The following ADK variants were observed in gnomAD, a reference collection of about 807,000 sequenced individuals.
ADK encodes the protein N6,N6-dimethyladenosine kinase.
A neutral mutation model predicts 44.7 loss-of-function variants in ADK; 24 were observed. The ratio of observed to expected loss-of-function variants is 0.54; its 90% CI spans 0.39 to 0.76. The LOEUF (loss-of-function observed/expected upper bound fraction) is 0.76. Among genes scored for constraint, ADK ranks in the 30% least tolerant of loss-of-function variants. The probability of loss-of-function intolerance (pLI) is 0.00; values close to 1 mark genes in which losing one functional copy is unlikely to be tolerated. For synonymous variants in ADK, 128 were observed against 142.6 expected (o/e 0.90, Z 0.73); for missense variants, 321 against 425.1 (o/e 0.76, Z 2.15).
chr10:74,366,763 C>G (rs192902654), intron 4 of ADK, among the ~76,000 whole-genome samples: 1 of 152,230 alleles, frequency 6.6e-6, no homozygotes, highest in African/African-American at 2.4e-5. Flanking sequence ...AACCCCATCT[C>G]TATAAAAAAT....
At chr10:74,671,864 C>T (rs1855199059) in intron 10 of ADK, among the ~76,000 whole-genome samples, 1 of 152,138 alleles carries the variant, frequency 6.6e-6, no homozygotes, top group African/African-American at 2.4e-5. Flanking sequence ...CCTAAATAGC[C>T]ACTACCTCTG....
In ADK at chr10:74,615,807, C is replaced by G. The variant is rs1852735047; in HGVS notation, c.877+15314C>G. On this transcript the variant is annotated intron_variant, in intron 9 of 10. Coordinates refer to ENST00000539909, the MANE Select transcript of ADK (RefSeq NM_006721.4). ...CACTGCAATCTCCACCTCCTGGGTT[C>G]AAGCGATTCCCTTGCCTCAGCCTCC... is the stretch of plus-strand genomic sequence containing the variant. 2.0e-5 allele frequency among the ~76,000 whole-genome samples: 3 copies of G among 152,198 alleles called. No individual in the cohort carries two copies. The South Asian group carries it at 6.2e-4, about 32-fold the overall frequency.
chr10:74,684,647 C>CT (rs914188245), intron 10 of ADK, among the ~76,000 whole-genome samples: 36 of 152,062 alleles, frequency 2.4e-4, no homozygotes, highest in Admixed American at 7.2e-4. Flanking sequence ...TGGTGCACAC[C>CT]TATAGTTCCA....
intron 9 of ADK, chr10:74,655,224 C>A: frequency 2.6e-6 from 1 of 384,404 alleles, no homozygotes; most frequent in South Asian, 2.4e-5. Context: ...TGGACAGAGA[C>A]AGGTGCATGG....
At chr10:74,210,431 A>G (rs573083173) in intron 2 of ADK, among the ~76,000 whole-genome samples, 5 of 152,282 alleles carry the variant, frequency 3.3e-5, no homozygotes, top group African/African-American at 1.2e-4. Flanking sequence ...ATAAACATAC[A>G]AACCTTACAT....
intron 3 of ADK, among the ~76,000 whole-genome samples, chr10:74,289,921 C>T (rs1273991784): frequency 1.3e-5 from 2 of 151,628 alleles, no homozygotes; most frequent in African/African-American, 4.9e-5. Flanking sequence ...AAATCCATAC[C>T]TTTTCTTAGC....
At chr10:74,577,018 G>A (rs1324864836) in intron 7 of ADK, among the ~76,000 whole-genome samples, 2 of 151,722 alleles carry the variant, frequency 1.3e-5, no homozygotes, top group Non-Finnish European at 2.9e-5. Context: ...CTTAAAACCT[G>A]TTTCTTTTCC....
chr10:74,337,329 T>G (rs2131863145), intron 4 of ADK, among the ~76,000 whole-genome samples: 1 of 152,328 alleles, frequency 6.6e-6, no homozygotes, highest in Non-Finnish European at 1.5e-5. Flanking sequence ...AGTGAGTATA[T>G]TTCCTGTTAC....
chr10:74,183,907 ATTATT>A (rs1406839860), intron 1 of ADK, among the ~76,000 whole-genome samples: 2 of 151,532 alleles, frequency 1.3e-5, no homozygotes, highest in East Asian at 1.9e-4. Context: ...CTGGTCTGAG[ATTATT>A]TTATTTTATT....
At chr10:74,223,390 C>T (rs146635050) in intron 2 of ADK, among the ~76,000 whole-genome samples, 4 of 152,240 alleles carry the variant, frequency 2.6e-5, no homozygotes, top group African/African-American at 4.8e-5. Context: ...AATATTGCCC[C>T]GTTGGGGATT....
At chr10:74,172,904 CAAAA>C (rs201918365) in intron 1 of ADK, among the ~76,000 whole-genome samples, 1 of 109,484 alleles carries the variant, frequency 9.1e-6, no homozygotes. Context: ...GACTCCATGT[CAAAA>C]AAAAAAAAAA....
At position 74,708,479 on chromosome 10, in the gene ADK, G is replaced by T; in HGVS notation, c.*34G>T. 1 of 1,604,832 alleles carries T rather than the reference G, an allele frequency of 6.2e-7. No homozygotes were observed. Among genetic ancestry groups the T allele is most frequent in the South Asian group, 1.1e-5 (1 of 90,812 alleles). On this transcript the variant is annotated 3_prime_UTR_variant, in exon 11 of 11. Coordinates refer to ENST00000539909, the MANE Select transcript of ADK (RefSeq NM_006721.4). Reference sequence around the variant, plus strand: ...CTGAAAACACAAGCCCAGGAGTGCAGACACTGCCCTAATTGCTTCCTGAGA... The same window carrying T: ...CTGAAAACACAAGCCCAGGAGTGCATACACTGCCCTAATTGCTTCCTGAGA...
At chr10:74,282,931 C>T (rs185389743) in intron 3 of ADK, among the ~76,000 whole-genome samples, 4 of 152,202 alleles carry the variant, frequency 2.6e-5, no homozygotes, top group African/African-American at 9.6e-5. Context: ...TGAAAAAATA[C>T]CATGAGAGTA....
chr10:74,626,302 A>T (rs1057280416), intron 9 of ADK, among the ~76,000 whole-genome samples: 2 of 139,836 alleles, frequency 1.4e-5, no homozygotes, highest in African/African-American at 2.7e-5. Context: ...AAGAGTCTAA[A>T]TTTTTTTTTT....
intron 4 of ADK, among the ~76,000 whole-genome samples, chr10:74,387,686 C>CT (rs1320633729): frequency 6.6e-6 from 1 of 152,100 alleles, no homozygotes; most frequent in East Asian, 1.9e-4. Flanking sequence ...TAATATGCTG[C>CT]TTTTTTACTA....
chr10:74,549,652 G>A (rs1849960429), intron 7 of ADK, among the ~76,000 whole-genome samples: 1 of 152,040 alleles, frequency 6.6e-6, no homozygotes, highest in South Asian at 2.1e-4. Flanking sequence ...GCCCAGGCTG[G>A]TTTCAAACTC....
At chr10:74,583,254 A>G (rs1319672700) in intron 7 of ADK, among the ~76,000 whole-genome samples, 1 of 152,212 alleles carries the variant, frequency 6.6e-6, no homozygotes, top group Non-Finnish European at 1.5e-5. Flanking sequence ...TGTCACTGCT[A>G]CAGCTGTTGC....
intron 9 of ADK, among the ~76,000 whole-genome samples, chr10:74,638,837 C>T (rs1215043200): frequency 6.6e-6 from 1 of 152,082 alleles, no homozygotes; most frequent in Non-Finnish European, 1.5e-5. Context: ...CAGGGTCTCT[C>T]TCTGTTGCCA....
At chr10:74,623,821 A>C (rs560148489) in intron 9 of ADK, among the ~76,000 whole-genome samples, 2 of 152,180 alleles carry the variant, frequency 1.3e-5, no homozygotes, top group South Asian at 4.1e-4. Flanking sequence ...AAAGCTCTTG[A>C]AAATGTAATA....
Sources: gnomAD v4.1 joint callset for allele counts (sites outside exome capture counted in the v4.1 genomes callset) on GRCh38, gnomAD v4.1.1 for gene constraint, MANE v1.5 for transcripts, NCBI Gene and HGNC (gene_info 2026-07-23, HGNC 2026-07-21) for gene names.